MYCBP2: variants seen among roughly 807,000 people sequenced by gnomAD.
MYCBP2 encodes the protein MYC binding protein 2.
Under a neutral mutation model 525.3 loss-of-function variants are expected in MYCBP2, and 120 were observed. That is an observed-to-expected ratio of 0.23 (90% CI 0.20 to 0.27). The LOEUF (loss-of-function observed/expected upper bound fraction) is 0.27. Ranked by LOEUF, MYCBP2 falls within the 10% of genes least tolerant of loss-of-function variation. The pLI is 1.00. For missense variants in MYCBP2, 4,149 were observed against 5,657.1 expected (o/e 0.73, Z 8.55); for synonymous variants, 1,894 against 1,955.8 (o/e 0.97, Z 0.83).
chr13:77,096,681 A>C (rs1353557393), intron 56 of MYCBP2, among the ~76,000 whole-genome samples, 200 bp from the exon 57 acceptor site: 2 of 152,174 alleles, frequency 1.3e-5, no homozygotes. Flanking sequence ...TGATGCCCCA[A>C]ATATGAGAGA....
chr13:77,324,901 A>G (rs1338154353), intron 1 of MYCBP2, among the ~76,000 whole-genome samples: 1 of 152,270 alleles, frequency 6.6e-6, no homozygotes, highest in Non-Finnish European at 1.5e-5. Flanking sequence ...CTGCGGTGCC[A>G]TAATTTAGAG....
intron 55 of MYCBP2, among the ~76,000 whole-genome samples, chr13:77,106,613 G>A (rs990180733): frequency 2.6e-5 from 4 of 152,106 alleles, no homozygotes; most frequent in Admixed American, 6.6e-5. Context: ...GCATGTAATT[G>A]TGCTTCTCAT....
intron 61 of MYCBP2, among the ~76,000 whole-genome samples, chr13:77,088,382 G>C: frequency 6.6e-6 from 1 of 151,998 alleles, no homozygotes; most frequent in Non-Finnish European, 1.5e-5. Flanking sequence ...TATCACATTT[G>C]ATAAAAACAC....
intron 54 of MYCBP2, 125 bp downstream of exon 54, chr13:77,125,211 T>A: frequency 1.6e-6 from 2 of 1,229,400 alleles, no homozygotes; most frequent in East Asian, 2.4e-5. Flanking sequence ...TTTTTTAACT[T>A]TTAGTTTTGC....
chr13:77,194,102 TTTAATA>T (rs1206023750), intron 27 of MYCBP2, 45 bp downstream of exon 27: 3 of 1,186,008 alleles, frequency 2.5e-6, no homozygotes, highest in Non-Finnish European at 1.2e-6. Context: ...ATAATAAATT[TTTAATA>T]TTAAGTATGC....
At chr13:77,094,148 CATACAACTCTGCT>C (rs2045871469) in intron 58 of MYCBP2, among the ~76,000 whole-genome samples, 1 of 152,098 alleles carries the variant, frequency 6.6e-6, no homozygotes, top group Non-Finnish European at 1.5e-5. Flanking sequence ...TTTTAAAAAC[CATACAACTCTGCT>C]ACACAAAGAG....
chr13:77,106,911 C>T (rs1205153798), intron 55 of MYCBP2, among the ~76,000 whole-genome samples: 1 of 152,108 alleles, frequency 6.6e-6, no homozygotes, highest in Non-Finnish European at 1.5e-5. Context: ...TAGATGCAAT[C>T]TTAACTAAGA....
intron 36 of MYCBP2, among the ~76,000 whole-genome samples, chr13:77,174,912 A>ATATAATATATATTATATATAT (rs2059497907): frequency 9.2e-6 from 1 of 108,468 alleles, no homozygotes; most frequent in African/African-American, 5.5e-5. Flanking sequence ...TATATATATA[A>ATATAATATATATTATATATAT]TATATATTAT....
intron 76 of MYCBP2, 71 bp from the exon 77 acceptor site, chr13:77,059,697 T>A: frequency 9.0e-7 from 1 of 1,113,008 alleles, no homozygotes; most frequent in East Asian, 2.4e-5. Flanking sequence ...AACTAAATTT[T>A]AAAAAGCAAA....
At position 77,093,266 on chromosome 13, in the gene MYCBP2, T is replaced by C; in HGVS notation, c.10266A>G (p.Leu3422=). The change falls in exon 59 of 83, where the codon CTA becomes CTG. Residue 3422 remains leucine (L), a synonymous_variant. Transcript: ENST00000544440. ...DNLFQDEMRY[L]RSTSVPAPYI... is the part of the protein sequence containing the mutation. The stretch of plus-strand genomic sequence containing the variant: ...ACGGGGCAGGTACAGATGTTGAACG[T>C]AGATATCTCATTTCATCCTGGAATA... The C allele has an allele frequency of 6.2e-7, 1 of 1,613,534 alleles. No individual in the cohort carries two copies. Among genetic ancestry groups the C allele is most frequent in the East Asian group, 2.2e-5 (1 of 44,838 alleles).
chr13:77,294,125 T>TAC (rs1555465757), intron 2 of MYCBP2, among the ~76,000 whole-genome samples: 15 of 67,488 alleles, frequency 2.2e-4, no homozygotes, highest in Non-Finnish European at 4.2e-4. Context: ...TATATATATA[T>TAC]ATATACATAT....
chr13:77,326,500 GC>G lies in MYCBP2; in HGVS notation c.275del (p.Gly92AlafsTer15). 1 of 1,585,848 alleles carries G rather than the reference GC, an allele frequency of 6.3e-7. No individual in the cohort carries two copies. The highest frequency in any genetic ancestry group is 8.6e-7 in the Non-Finnish European group (1 of 1,167,056). Reference sequence around the variant, plus strand: ...TGGAGGCTGGGTGTCCAGCGCTGCCGCCCCCCTGGTCCCTGTCATTGAGCGC... The same window carrying G: ...TGGAGGCTGGGTGTCCAGCGCTGCCGCCCCCTGGTCCCTGTCATTGAGCGC... ...TAALNDRDQG[G>X]GSAGHPASRN... On this transcript the variant is annotated frameshift_variant, in exon 1 of 83. Transcript: ENST00000544440. LOFTEE classifies it high-confidence loss of function. This position sits in a 1 kb window ranked among gnomAD's most constrained non-coding sequence, Gnocchi z 4.2.
intron 61 of MYCBP2, among the ~76,000 whole-genome samples, chr13:77,088,611 C>G (rs897310634): frequency 6.6e-6 from 1 of 151,800 alleles, no homozygotes; most frequent in African/African-American, 2.4e-5. Context: ...TAAAGCAATA[C>G]AGAAATAAAT....
chr13:77,124,498 T>G (rs761254496), intron 54 of MYCBP2, among the ~76,000 whole-genome samples: 3 of 152,246 alleles, frequency 2.0e-5, no homozygotes, highest in African/African-American at 4.8e-5. Flanking sequence ...ATACTTATTT[T>G]GATGTGCTAT....
intron 62 of MYCBP2, among the ~76,000 whole-genome samples, chr13:77,085,326 A>C (rs1365718805): frequency 6.6e-6 from 1 of 152,158 alleles, no homozygotes; most frequent in African/African-American, 2.4e-5. Context: ...AATTATTTCA[A>C]GTTTGTTAAA....
chr13:77,177,613 T>C, intron 35 of MYCBP2, 135 bp downstream of exon 35: 1 of 738,012 alleles, frequency 1.4e-6, no homozygotes, highest in East Asian at 2.7e-5. Context: ...TGAGCCACTG[T>C]GGCCAGTCTT....
At chr13:77,119,448 G>A (rs916415245) in intron 55 of MYCBP2, among the ~76,000 whole-genome samples, 1 of 151,810 alleles carries the variant, frequency 6.6e-6, no homozygotes, top group African/African-American at 2.4e-5. Context: ...CTGTGTACAC[G>A]AGCCATATAT....
In MYCBP2 at chr13:77,279,013, G is replaced by T. The variant is rs1055567009; in HGVS notation, c.595-102C>A. 2 of 697,514 alleles carry T rather than the reference G, an allele frequency of 2.9e-6. 1 individual carries two copies. The highest frequency in any genetic ancestry group is 4.2e-6 in the Non-Finnish European group (2 of 472,688). 43.2% of individuals were successfully genotyped at this position (697,514 alleles called of 1,614,324 possible). On this transcript the variant is annotated intron_variant, in intron 3 of 82. Transcript: ENST00000544440. ...AGTTACTTCCACAGCAAATGATAATGTATATGTATAATGGAGCCATAATAA... is the reference window on the plus strand; with the variant it reads ...AGTTACTTCCACAGCAAATGATAATTTATATGTATAATGGAGCCATAATAA...
At chr13:77,085,520 T>C (rs1055224260) in intron 62 of MYCBP2, among the ~76,000 whole-genome samples, 1 of 152,198 alleles carries the variant, frequency 6.6e-6, no homozygotes, top group African/African-American at 2.4e-5. Flanking sequence ...AGTGTTATGG[T>C]ACTATACACA....
Sources: gnomAD v4.1 joint callset for allele counts (sites outside exome capture counted in the v4.1 genomes callset) on GRCh38, gnomAD v4.1.1 for gene constraint, Gnocchi (gnomAD v3.1) non-coding constraint, MANE v1.5 for transcripts, NCBI Gene and HGNC (gene_info 2026-07-23, HGNC 2026-07-21) for gene names.